ZNF713: variants seen among roughly 807,000 people sequenced by gnomAD.
ZNF713 encodes zinc finger protein 713.
In ZNF713, 21 loss-of-function variants were observed where a neutral mutation model predicts 28.7. The observed-to-expected ratio is 0.73, with a 90% confidence interval of 0.52 to 1.05. The LOEUF (loss-of-function observed/expected upper bound fraction) is 1.05, where lower values mean the gene tolerates loss of function less well. Ranked by LOEUF, ZNF713 falls within the 50% of genes least tolerant of loss-of-function variation. ZNF713 has a pLI of 0.00. For synonymous variants in ZNF713, 167 were observed against 178.0 expected (o/e 0.94, Z 0.49); for missense variants, 458 against 532.4 (o/e 0.86, Z 1.37).
At chr7:55,936,503 T>C (rs1786349969) in intron 6 of ZNF713, among the ~76,000 whole-genome samples, 1 of 152,152 alleles carries the variant, frequency 6.6e-6, no homozygotes, top group Non-Finnish European at 1.5e-5. Context: ...ACAATAATTA[T>C]CTGGTTACCC....
chr7:55,929,508 G>C (rs1454647040), intron 6 of ZNF713, among the ~76,000 whole-genome samples: 1 of 152,188 alleles, frequency 6.6e-6, no homozygotes, highest in Non-Finnish European at 1.5e-5. Context: ...CATCTGGAGA[G>C]AGACAGAATT....
chr7:55,908,784 G>A (rs1182500664), intron 2 of ZNF713, among the ~76,000 whole-genome samples: 1 of 152,072 alleles, frequency 6.6e-6, no homozygotes, highest in African/African-American at 2.4e-5. Flanking sequence ...AGTCTTAGTC[G>A]TAAATTCTTT....
intron 6 of ZNF713, among the ~76,000 whole-genome samples, chr7:55,929,712 G>A (rs1025338911): frequency 5.3e-5 from 8 of 151,250 alleles, no homozygotes; most frequent in Non-Finnish European, 7.4e-5. Flanking sequence ...CTGAGACTGC[G>A]CCACTGCACT....
rs772395125 is a variant in ZNF713, at chr7:55,939,494, A to C, written c.820A>C (p.Ser274Arg). 1 of 1,614,040 alleles carries C rather than the reference A, an allele frequency of 6.2e-7. No homozygotes were observed. Among genetic ancestry groups the C allele is most frequent in the African/African-American group, 1.3e-5 (1 of 74,938 alleles). The stretch of plus-strand genomic sequence containing the variant: ...GGCCTTCAGCCACACCTCATCTCTT[A>C]GCCAGCCTCAGATGTTGCTTACAGG... Reference protein sequence around the residue: ...GKAFSHTSSLSQPQMLLTGEK... With the variant: ...GKAFSHTSSLRQPQMLLTGEK... The change falls in exon 7 of 7, where the codon AGC (serine) becomes CGC (arginine). Residue 274 changes from serine to arginine, a missense_variant. By Grantham distance (110) the Ser-to-Arg change is moderately radical (BLOSUM62 -1). Coordinates refer to ENST00000429591, the MANE Select transcript of ZNF713 (RefSeq NM_182633.3).
At position 55,912,745 on chromosome 7, in the gene ZNF713, T is replaced by C. The variant is rs1785808782; in HGVS notation, c.87+22T>C. 1.9e-6 allele frequency: 3 copies of C among 1,589,772 alleles called. No individual in the cohort carries two copies. The African/African-American group carries it at 4.0e-5, about 21-fold the overall frequency. On this transcript the variant is annotated intron_variant, in intron 4 of 6. Transcript: ENST00000429591. ...TCAGGTAAGTTCAGTTTTCCTCTCC[T>C]CTGAAATGCCAGTGTTCTCAGAATG...
chr7:55,920,695 A>G (rs982188866), intron 4 of ZNF713, among the ~76,000 whole-genome samples: 2 of 152,278 alleles, frequency 1.3e-5, no homozygotes, highest in Middle Eastern at 3.2e-3. Flanking sequence ...AGGTGACTGT[A>G]CTAAACACAT....
At chr7:55,924,866 T>TC (rs1786066782) in intron 6 of ZNF713, 1 of 152,126 alleles carries the variant, frequency 6.6e-6, no homozygotes, top group African/African-American at 2.4e-5. Context: ...AGAGCGAAAC[T>TC]CCATCTCAAA....
intron 1 of ZNF713, among the ~76,000 whole-genome samples, chr7:55,888,113 A>G (rs547439511): frequency 6.6e-6 from 1 of 152,066 alleles, no homozygotes; most frequent in African/African-American, 2.4e-5. Context: ...CATAGGTGTC[A>G]TTTTGGGGGA....
At chr7:55,903,409 C>T (rs577843825) in intron 1 of ZNF713, among the ~76,000 whole-genome samples, 84 of 151,882 alleles carry the variant, frequency 5.5e-4, no homozygotes, top group Non-Finnish European at 9.1e-4. Flanking sequence ...GTGGCTCACA[C>T]CTGTAATCCT....
At chr7:55,935,946 C>A (rs1786336383) in intron 6 of ZNF713, among the ~76,000 whole-genome samples, 1 of 150,920 alleles carries the variant, frequency 6.6e-6, no homozygotes, top group Non-Finnish European at 1.5e-5. Context: ...CAGAGTGAGA[C>A]TCTGTCTCAA....
chr7:55,914,901 C>CTGGAG (rs1785852068), intron 4 of ZNF713, among the ~76,000 whole-genome samples: 1 of 152,202 alleles, frequency 6.6e-6, no homozygotes, highest in Non-Finnish European at 1.5e-5. Flanking sequence ...GTCACCCAGG[C>CTGGAG]TGGAGTGCAG....
chr7:55,927,896 CAAAAAA>C (rs71533249), intron 6 of ZNF713, among the ~76,000 whole-genome samples: 100 of 44,938 alleles, frequency 2.2e-3, no homozygotes, highest in African/African-American at 8.9e-3. Flanking sequence ...GACTCTGTCT[CAAAAAA>C]AAAAAAAAAA....
intron 2 of ZNF713, among the ~76,000 whole-genome samples, chr7:55,909,196 C>CAAAAAAA (rs71015121): frequency 3.7e-5 from 2 of 53,360 alleles, no homozygotes; most frequent in Non-Finnish European, 7.3e-5. Context: ...AAGACTCCGT[C>CAAAAAAA]AAAAAAAAAA....
chr7:55,931,567 T>G (rs1260268954), intron 6 of ZNF713, among the ~76,000 whole-genome samples: 1 of 151,648 alleles, frequency 6.6e-6, no homozygotes, highest in Non-Finnish European at 1.5e-5. Flanking sequence ...CTCCTTTCCC[T>G]CTCTTCTTCT....
intron 1 of ZNF713, among the ~76,000 whole-genome samples, chr7:55,890,995 CA>C (rs200945331): frequency 1.8e-3 from 185 of 102,578 alleles, no homozygotes; most frequent in East Asian, 9.1e-3. Flanking sequence ...GACTCTGTCT[CA>C]AAAAAAAAAA....
rs1317938703 is a variant in ZNF713 at position 55,923,263 on chromosome 7, G to A, written c.189G>A (p.Glu63=). 5 of 1,613,228 alleles carry A rather than the reference G, an allele frequency of 3.1e-6. No homozygotes were observed. Among genetic ancestry groups the A allele is most frequent in the Non-Finnish European group, 4.2e-6 (5 of 1,179,704 alleles). The change falls in exon 5 of 7, where the codon GAG becomes GAA. Residue 63 remains glutamate, a synonymous_variant. Transcript: ENST00000429591. Reference sequence around the variant, plus strand: ...ACCTCTATCGAGACGTGATGCTGGAGAACTACAGGAATCTAGTTGCACTGG... The same window carrying A: ...ACCTCTATCGAGACGTGATGCTGGAAAACTACAGGAATCTAGTTGCACTGG... ...QKNLYRDVML[E]NYRNLVALGY...
chr7:55,925,273 G>C (rs1786075433), intron 6 of ZNF713, among the ~76,000 whole-genome samples: 1 of 152,152 alleles, frequency 6.6e-6, no homozygotes, highest in Admixed American at 6.6e-5. Flanking sequence ...TTTTCAAGTT[G>C]ACTTTGACTT....
intron 2 of ZNF713, among the ~76,000 whole-genome samples, chr7:55,906,954 A>C (rs1330237008): frequency 6.6e-6 from 1 of 152,208 alleles, no homozygotes; most frequent in Non-Finnish European, 1.5e-5. Context: ...ATCTGATAAG[A>C]AATTTGGAAA....
intron 4 of ZNF713, among the ~76,000 whole-genome samples, chr7:55,916,150 T>C (rs557467334): frequency 1.0e-3 from 156 of 152,366 alleles, no homozygotes; most frequent in Middle Eastern, 3.4e-3. Context: ...ATGTCATTCC[T>C]CTGCTCAAAG....
Sources: allele counts gnomAD v4.1 joint callset (sites outside exome capture counted in the v4.1 genomes callset), GRCh38; gene constraint gnomAD v4.1.1; transcripts MANE v1.5; gene names NCBI Gene and HGNC (gene_info 2026-07-23, HGNC 2026-07-21).